The following VPS13C variants were observed in gnomAD, a reference collection of about 807,000 sequenced individuals.
VPS13C encodes vacuolar protein sorting 13 homolog C, also known as intermembrane lipid transfer protein VPS13C.
Under a neutral mutation model 456.8 loss-of-function variants are expected in VPS13C, and 358 were observed. The observed-to-expected ratio is 0.78, with a 90% CI of 0.72 to 0.86. VPS13C has a LOEUF of 0.86. Among genes scored for constraint, VPS13C ranks in the 40% least tolerant of loss-of-function variants. The probability of loss-of-function intolerance (pLI) is 0.00; values close to 1 mark genes in which losing one functional copy is unlikely to be tolerated. For missense variants in VPS13C, 4,818 were observed against 4,385.4 expected (o/e 1.10, Z -2.79); for synonymous variants, 1,578 against 1,486.7 (o/e 1.06, Z -1.41).
chr15:61,978,772 AT>A (rs752099381), intron 22 of VPS13C, 23 bp from the exon 23 acceptor site: 88 of 1,550,814 alleles, frequency 5.7e-5, no homozygotes, highest in South Asian at 1.2e-4. Context: ...ACAAATTTCA[AT>A]TTTTTTTTCC....
chr15:61,909,155 A>C, intron 64 of VPS13C, 30 bp from the exon 65 acceptor site: 1 of 1,610,758 alleles, frequency 6.2e-7, no homozygotes, highest in Non-Finnish European at 8.5e-7. Flanking sequence ...AGTATGTTTG[A>C]TGTACTGGTT....
At chr15:61,869,300 T>A (rs1894835393) in intron 80 of VPS13C, among the ~76,000 whole-genome samples, 200 bp downstream of exon 80, 1 of 152,144 alleles carries the variant, frequency 6.6e-6, no homozygotes, top group East Asian at 1.9e-4. Flanking sequence ...GTATTTTTAG[T>A]AGAGATGGGG....
intron 11 of VPS13C, among the ~76,000 whole-genome samples, chr15:62,012,708 A>G (rs1336151074): frequency 6.6e-6 from 1 of 151,906 alleles, no homozygotes; most frequent in East Asian, 1.9e-4. Flanking sequence ...TATTATCTTT[A>G]TAATACTCTT....
intron 71 of VPS13C, 67 bp from the exon 72 acceptor site, chr15:61,881,021 T>G (rs537771452): frequency 7.6e-7 from 1 of 1,313,712 alleles, no homozygotes; most frequent in Non-Finnish European, 1.1e-6. Context: ...TGTTAAAACT[T>G]TGATTTCAGT....
chr15:62,021,996 A>G (rs186908067), intron 8 of VPS13C, among the ~76,000 whole-genome samples: 81 of 152,022 alleles, frequency 5.3e-4, no homozygotes, highest in Admixed American at 4.3e-3. Flanking sequence ...TTCATTTTAA[A>G]GGCTGAATAG....
intron 15 of VPS13C, among the ~76,000 whole-genome samples, chr15:62,001,009 G>A (rs914449837): frequency 2.0e-5 from 3 of 151,962 alleles, no homozygotes; most frequent in African/African-American, 7.3e-5. Context: ...TTGTACTAAC[G>A]GTGACATTAC....
chr15:62,003,540 G>T (rs1160901155), intron 15 of VPS13C, among the ~76,000 whole-genome samples: 3 of 152,228 alleles, frequency 2.0e-5, no homozygotes, highest in African/African-American at 7.2e-5. Flanking sequence ...GCCCTGGCCA[G>T]AACTTCCAAC....
rs35606606 is a variant in VPS13C at position 61,915,840 on chromosome 15, T to C, written c.8238A>G (p.Thr2746=). ...CTGACAGGTCGACTGTCGTCACTTC[T>C]GTGGAGTCAGAAGAAAAACACACAG... ...FFPVCFSSDS[T]EVTTVDLSVH... is the part of the protein sequence containing the mutation. Residue 2746 remains threonine (T), a synonymous_variant, in exon 61 of 85, where the codon ACA becomes ACG. Coordinates refer to ENST00000644861, the MANE Select transcript of VPS13C (RefSeq NM_020821.3). 1,348 of 1,613,996 alleles carry C rather than the reference T, an allele frequency of 8.4e-4. 12 individuals are homozygous for C. In the African/African-American group the frequency reaches 0.016, roughly 19 times the overall value.
chr15:61,945,457 T>C (rs1241342501), intron 45 of VPS13C, among the ~76,000 whole-genome samples: 2 of 152,146 alleles, frequency 1.3e-5, no homozygotes, highest in Non-Finnish European at 2.9e-5. Context: ...AGCCCTAAAT[T>C]AAAACATAAA....
At position 62,028,376 on chromosome 15, in the gene VPS13C, A is replaced by C. The variant is rs1460030098; in HGVS notation, c.430T>G (p.Tyr144Asp). Residue 144 changes from tyrosine to aspartate, a missense_variant, in exon 6 of 85, where the codon TAC (tyrosine) becomes GAC (aspartate). Around this residue, in one of 3 missense-constraint regions of VPS13C, gnomAD observed 4,552 missense variants for 4,130.6 expected, o/e 1.10. Coordinates refer to ENST00000644861, the MANE Select transcript of VPS13C (RefSeq NM_020821.3). Reference sequence around the variant, plus strand: ...TACCCACCAGGCTTGATGTCCTTGTAAACAAAGTTCTCCAAGCCATATATG... The same window carrying C: ...TACCCACCAGGCTTGATGTCCTTGTCAACAAAGTTCTCCAAGCCATATATG... Reference protein sequence around the residue: ...EFIYGLENFVYKDIKPGRKRK... With the variant: ...EFIYGLENFVDKDIKPGRKRK... 18 of 1,613,032 alleles carry C rather than the reference A, an allele frequency of 1.1e-5. No individual in the cohort carries two copies. Among genetic ancestry groups the C allele is most frequent in the Non-Finnish European group, 1.3e-5 (15 of 1,179,288 alleles).
Position 61,991,034 on chromosome 15 carries a change from C to G in VPS13C, c.1544G>C (p.Ser515Thr). The change falls in exon 18 of 85, where the codon AGT becomes ACT. Residue 515 changes from serine to threonine, a missense_variant. Transcript: ENST00000644861. ...KDKLFTAIGY[S>T]ESTHNLTLPK... is the part of the protein sequence containing the mutation. ...TAAAGTTAGGTTGTGGGTACTCTCA[C>G]TATAACCAATGGCAGTGAAGAGTTT... is the stretch of plus-strand genomic sequence containing the variant. 6.2e-7 allele frequency: 1 copy of G among 1,612,864 alleles called. No individual in the cohort carries two copies. The highest frequency in any genetic ancestry group is 1.3e-5 in the African/African-American group (1 of 74,966).
chr15:61,929,432 C>G lies in VPS13C; in HGVS notation c.6286+69G>C, dbSNP rs1408739841. The G allele has an allele frequency of 3.3e-6, 5 of 1,523,412 alleles. No homozygotes were observed. The African/African-American group carries it at 7.0e-5, about 21-fold the overall frequency. The allele number at this position is 1,523,412 out of a possible 1,614,324, so 94.4% of individuals were successfully genotyped here. On this transcript the variant is annotated intron_variant, in intron 51 of 84. Coordinates refer to ENST00000644861, the MANE Select transcript of VPS13C (RefSeq NM_020821.3). ...TTACGTTCTTAAATTTTTCATTTCTCTTTTTTCTGGTTTGTAATTCTTGTC... is the reference window on the plus strand; with the variant it reads ...TTACGTTCTTAAATTTTTCATTTCTGTTTTTTCTGGTTTGTAATTCTTGTC...
intron 66 of VPS13C, among the ~76,000 whole-genome samples, chr15:61,892,982 T>C (rs1199754051): frequency 6.6e-6 from 1 of 151,938 alleles, no homozygotes; most frequent in African/African-American, 2.4e-5. Context: ...GCCTGCAAAA[T>C]ATAGAGAATA....
intron 65 of VPS13C, among the ~76,000 whole-genome samples, chr15:61,907,980 T>G (rs936891506): frequency 6.6e-6 from 1 of 152,164 alleles, no homozygotes; most frequent in African/African-American, 2.4e-5. Context: ...AAAAAAATTA[T>G]GTTCACACTG....
chr15:62,008,843 G>C, intron 13 of VPS13C, 82 bp from the exon 14 acceptor site: 2 of 776,492 alleles, frequency 2.6e-6, no homozygotes, highest in Non-Finnish European at 3.7e-6. Context: ...TTTTAGGCTA[G>C]TGAGACTCCA....
In VPS13C at chr15:61,962,806, A is replaced by C. The variant is rs961956408; in HGVS notation, c.3378T>G (p.Phe1126Leu). 6 of 1,607,402 alleles carry C rather than the reference A, an allele frequency of 3.7e-6. No homozygotes were observed. The highest frequency in any genetic ancestry group is 5.1e-6 in the Non-Finnish European group (6 of 1,175,976). Residue 1126 changes from phenylalanine to leucine, a missense_variant, in exon 33 of 85, where the codon TTT (phenylalanine) becomes TTG (leucine). Physicochemically the swap from Phe to Leu is conservative, Grantham distance 22. This residue lies in a region of VPS13C where 4,552 missense variants were observed against 4,130.6 expected (regional missense o/e 1.10). Coordinates refer to ENST00000644861, the MANE Select transcript of VPS13C (RefSeq NM_020821.3). Reference protein sequence around the residue: ...LSLQSRKQSLFARLENIIVTD... With the variant: ...LSLQSRKQSLLARLENIIVTD... ...TGACAATAATATTTTCTAGTCGGGC[A>C]AAAAGTGACTGCTTTCTTGACTGGA...
rs1325496869 is a variant in VPS13C, at chr15:61,923,884, G to A, written c.6610-1122C>T. ...ATCTTTTTTTTTTTTTTTTTTTTTT[G>A]AGACGGAGTCTCGCTCTGTCGCCCA... On this transcript the variant is annotated intron_variant, in intron 53 of 84. Coordinates refer to ENST00000644861, the MANE Select transcript of VPS13C (RefSeq NM_020821.3). 4.0e-4 allele frequency among the ~76,000 whole-genome samples: 3 copies of A among 7,528 alleles called. 1 individual carries two copies. Among genetic ancestry groups the A allele is most frequent in the African/African-American group, 1.0e-3 (2 of 1,928 alleles). The allele number at this position is 7,528 out of a possible 152,430, so 4.9% of individuals were successfully genotyped here.
At chr15:62,010,868 C>T (rs951843892) in intron 12 of VPS13C, among the ~76,000 whole-genome samples, 3 of 152,120 alleles carry the variant, frequency 2.0e-5, no homozygotes, top group Admixed American at 2.0e-4. Flanking sequence ...AGACAATCTA[C>T]TCTTGGTTAT....
Position 61,941,914 on chromosome 15 carries a change from G to C in VPS13C, c.5302C>G (p.Pro1768Ala), listed in dbSNP as rs1463719657. Residue 1768 changes from proline (P) to alanine (A), a missense_variant, in exon 46 of 85, where the codon CCT (proline) becomes GCT (alanine). This residue lies in a region of VPS13C where 4,552 missense variants were observed against 4,130.6 expected (regional missense o/e 1.10). Transcript: ENST00000644861. ...INLKAPVIII[P>A]QSSVSPNAVI... ...GCATTAGGTGATACTGAAGACTGAGGAATAATAATAACTGGTGCTTTCAAA... is the reference window on the plus strand; with the variant it reads ...GCATTAGGTGATACTGAAGACTGAGCAATAATAATAACTGGTGCTTTCAAA... 6.2e-7 allele frequency: 1 copy of C among 1,613,848 alleles called. No individual in the cohort carries two copies. Among genetic ancestry groups the C allele is most frequent in the Admixed American group, 1.7e-5 (1 of 59,970 alleles).
Sources: allele counts gnomAD v4.1 joint callset (sites outside exome capture counted in the v4.1 genomes callset), GRCh38; gene constraint gnomAD v4.1.1; regional missense constraint gnomAD v4.1.1; transcripts MANE v1.5; gene names NCBI Gene and HGNC (gene_info 2026-07-23, HGNC 2026-07-21).